Variants in PCDHGB4 observed in about 807,000 individuals in gnomAD.
PCDHGB4 encodes protocadherin gamma-B4.
In PCDHGB4, 38 loss-of-function variants were observed where a neutral mutation model predicts 60.5. The observed-to-expected ratio is 0.63, with a 90% CI of 0.48 to 0.82. The LOEUF (loss-of-function observed/expected upper bound fraction) is 0.82. PCDHGB4 is among the 40% of genes least tolerant of loss of function. PCDHGB4 has a pLI of 0.00. For synonymous variants in PCDHGB4, 456 were observed against 509.7 expected, an observed-to-expected ratio of 0.89 and a Z score of 1.42; for missense variants, 1,109 against 1,209.6, an observed-to-expected ratio of 0.92 and a Z score of 1.23.
intron 1 of PCDHGB4, among the ~76,000 whole-genome samples, chr5:141,453,779 C>T (rs138335951): frequency 0.013 from 2,000 of 152,278 alleles, 24 homozygotes; most frequent in Non-Finnish European, 0.021. Flanking sequence ...ATTTTAGTTA[C>T]CATGGTATAT....
intron 1 of PCDHGB4, chr5:141,428,255 G>A (rs2097128504): frequency 1.1e-6 from 1 of 875,462 alleles, no homozygotes; most frequent in Non-Finnish European, 1.8e-6. Context: ...CCAGACTTCA[G>A]TGACAGTCCT....
chr5:141,491,316 T>C lies in PCDHGB4; in HGVS notation c.2398-3491T>C. The C allele has an allele frequency of 3.1e-6, 5 of 1,614,176 alleles. No homozygotes were observed. The highest frequency in any genetic ancestry group is 3.4e-6 in the Non-Finnish European group (4 of 1,180,004). ...CTCCTGAGCGTTCAGACCTTACCCT[T>C]TACCTCATTGTGGCTCTAGCGACCG... is the stretch of plus-strand genomic sequence containing the variant. On this transcript the variant is annotated intron_variant, in intron 1 of 3. Coordinates refer to ENST00000519479, the MANE Select transcript of PCDHGB4 (RefSeq NM_003736.4). The surrounding 1 kb of genome is among the most constrained non-coding windows in gnomAD (Gnocchi z 6.9).
Position 141,485,631 on chromosome 5 carries a change from C to T in PCDHGB4, c.2398-9176C>T. 6.2e-7 allele frequency: 1 copy of T among 1,611,764 alleles called. No homozygotes were observed. The highest frequency in any genetic ancestry group is 8.5e-7 in the Non-Finnish European group (1 of 1,178,360). Reference sequence around the variant, plus strand: ...GCAGCTCCTCCAGGACAGCGTTTCCCGTTGGAAAAGGCTCAGGATGCAGAT... The same window carrying T: ...GCAGCTCCTCCAGGACAGCGTTTCCTGTTGGAAAAGGCTCAGGATGCAGAT... On this transcript the variant is annotated intron_variant, in intron 1 of 3. Coordinates refer to ENST00000519479, the MANE Select transcript of PCDHGB4 (RefSeq NM_003736.4). The surrounding 1 kb of genome is among the most constrained non-coding windows in gnomAD (Gnocchi z 5.7).
intron 1 of PCDHGB4, among the ~76,000 whole-genome samples, chr5:141,479,053 A>G (rs534968614): frequency 9.2e-5 from 14 of 152,334 alleles, no homozygotes; most frequent in African/African-American, 3.1e-4. Context: ...TCATTCTCAG[A>G]TAATTTTTTA....
intron 1 of PCDHGB4, among the ~76,000 whole-genome samples, chr5:141,445,132 G>T (rs921068835): frequency 2.6e-5 from 4 of 152,026 alleles, no homozygotes; most frequent in Non-Finnish European, 5.9e-5. Flanking sequence ...TTTTAAAATT[G>T]TATCTTCTAA....
intron 1 of PCDHGB4, chr5:141,424,160 C>A (rs187420643): frequency 6.3e-4 from 172 of 273,324 alleles, no homozygotes; most frequent in South Asian, 2.2e-3. Flanking sequence ...CTCTCCTTCT[C>A]ATCTATCTAT....
chr5:141,395,305 A>G, intron 1 of PCDHGB4: 1 of 1,514,986 alleles, frequency 6.6e-7, no homozygotes. Flanking sequence ...TATGTTTTGA[A>G]AAACATTGTG....
At chr5:141,423,826 A>G (rs1324911075) in intron 1 of PCDHGB4, 21 of 1,275,178 alleles carry the variant, frequency 1.6e-5, no homozygotes, top group Middle Eastern at 2.2e-4. Flanking sequence ...TTTGCCTTTC[A>G]TGAGATTACG....
At position 141,485,320 on chromosome 5, in the gene PCDHGB4, T is replaced by G; in HGVS notation, c.2398-9487T>G. The G allele has an allele frequency of 6.2e-7, 1 of 1,614,114 alleles. No individual in the cohort carries two copies. The highest frequency in any genetic ancestry group is 8.5e-7 in the Non-Finnish European group (1 of 1,180,018). ...AAGGGACTTTTGTAGGGAATGTCGC[T>G]CAAGATTTCCTGCTGGATACGGACA... is the stretch of plus-strand genomic sequence containing the variant. On this transcript the variant is annotated intron_variant, in intron 1 of 3. Transcript: ENST00000519479. The surrounding 1 kb of genome is among the most constrained non-coding windows in gnomAD (Gnocchi z 5.7).
chr5:141,491,560 T>C lies in PCDHGB4; in HGVS notation c.2398-3247T>C. 1 of 1,613,986 alleles carries C rather than the reference T, an allele frequency of 6.2e-7. No homozygotes were observed. Among genetic ancestry groups the C allele is most frequent in the Non-Finnish European group, 8.5e-7 (1 of 1,180,026 alleles). ...GCCCACAGACTCGCAGAGCCACTGCTACAGGACGTGCTTTTCACCGGCCTC... is the reference window on the plus strand; with the variant it reads ...GCCCACAGACTCGCAGAGCCACTGCCACAGGACGTGCTTTTCACCGGCCTC... On this transcript the variant is annotated intron_variant, in intron 1 of 3. Coordinates refer to ENST00000519479, the MANE Select transcript of PCDHGB4 (RefSeq NM_003736.4). This position sits in a 1 kb window ranked among gnomAD's most constrained non-coding sequence, Gnocchi z 6.9.
At chr5:141,471,444 A>G (rs1366430114) in intron 1 of PCDHGB4, 1 of 152,150 alleles carries the variant, frequency 6.6e-6, no homozygotes, top group Non-Finnish European at 1.5e-5. Context: ...AATCTCATGT[A>G]CCTTTTGAAA....
Position 141,431,051 on chromosome 5 carries a change from G to C in PCDHGB4, c.2397+40770G>C, listed in dbSNP as rs1280440001. On this transcript the variant is annotated intron_variant, in intron 1 of 3. Coordinates refer to ENST00000519479, the MANE Select transcript of PCDHGB4 (RefSeq NM_003736.4). This position sits in a 1 kb window ranked among gnomAD's most constrained non-coding sequence, Gnocchi z 4.8. ...GATAGACCGGGAGGAGCTCTGTATGGGGGCCATCAAGTGTCAATTAAATCT... is the reference window on the plus strand; with the variant it reads ...GATAGACCGGGAGGAGCTCTGTATGCGGGCCATCAAGTGTCAATTAAATCT... 3 of 1,614,218 alleles carry C rather than the reference G, an allele frequency of 1.9e-6. No homozygotes were observed. Among genetic ancestry groups the C allele is most frequent in the East Asian group, 2.2e-5 (1 of 44,886 alleles).
chr5:141,431,976 C>T lies in PCDHGB4; in HGVS notation c.2397+41695C>T, dbSNP rs2097433306. ...TACGGAAATTACTATAGTTTAGTCACAGACATAGTCTTGGATAGGGAACAG... is the reference window on the plus strand; with the variant it reads ...TACGGAAATTACTATAGTTTAGTCATAGACATAGTCTTGGATAGGGAACAG... On this transcript the variant is annotated intron_variant, in intron 1 of 3. Transcript: ENST00000519479. This position sits in a 1 kb window ranked among gnomAD's most constrained non-coding sequence, Gnocchi z 4.8. 6.2e-7 allele frequency: 1 copy of T among 1,614,078 alleles called. No individual in the cohort carries two copies. The highest frequency in any genetic ancestry group is 1.3e-5 in the African/African-American group (1 of 74,934).
rs753954982 is a variant in PCDHGB4 at position 141,478,158 on chromosome 5, C to A, written c.2398-16649C>A. 9 of 1,613,936 alleles carry A rather than the reference C, an allele frequency of 5.6e-6. No individual in the cohort carries two copies. In the African/African-American group the frequency reaches 1.2e-4, roughly 22 times the overall value. On this transcript the variant is annotated intron_variant, in intron 1 of 3. Transcript: ENST00000519479. ...GCCCGAGCCGAGTTCCCCTCTGGCT[C>A]TGCCCCCCGGGAGCAGAAAAAAAAT...
chr5:141,403,789 C>T (rs1230029917), intron 1 of PCDHGB4: 1 of 1,613,864 alleles, frequency 6.2e-7, no homozygotes, highest in East Asian at 2.2e-5. Flanking sequence ...AAGTGGCATA[C>T]AAATTCTGGA....
rs372326132 is a variant in PCDHGB4 at position 141,486,185 on chromosome 5, G to A, written c.2398-8622G>A. On this transcript the variant is annotated intron_variant, in intron 1 of 3. Coordinates refer to ENST00000519479, the MANE Select transcript of PCDHGB4 (RefSeq NM_003736.4). The surrounding 1 kb of genome is among the most constrained non-coding windows in gnomAD (Gnocchi z 5.0). ...CATGGAGCAACATTGCAGCCTTCGAGTGGATCTGCTGGACGTAAATGACAA... is the reference window on the plus strand; with the variant it reads ...CATGGAGCAACATTGCAGCCTTCGAATGGATCTGCTGGACGTAAATGACAA... 42 of 1,614,108 alleles carry A rather than the reference G, an allele frequency of 2.6e-5. No homozygotes were observed. The highest frequency in any genetic ancestry group is 3.4e-5 in the Non-Finnish European group (40 of 1,180,048).
In PCDHGB4 at chr5:141,390,064, C is replaced by T; in HGVS notation, c.2180C>T (p.Pro727Leu). ...CCCGCCTCCTGGAGCTGCTTCCAGCCTGGTCTCTGTGTTAAATCCGAATCC... is the reference window on the plus strand; with the variant it reads ...CCCGCCTCCTGGAGCTGCTTCCAGCTTGGTCTCTGTGTTAAATCCGAATCC... The part of the protein sequence containing the change: ...SSPASWSCFQ[P>L]GLCVKSESVV... The change falls in exon 1 of 4, where the codon CCT becomes CTT. Residue 727 changes from proline to leucine, a missense_variant. Physicochemically the swap from Pro to Leu is moderately conservative, Grantham distance 98. This residue lies in a region of PCDHGB4 where 1,068 missense variants were observed against 1,089.9 expected (regional missense o/e 0.98). Transcript: ENST00000519479. 1 of 1,614,060 alleles carries T rather than the reference C, an allele frequency of 6.2e-7. No individual in the cohort carries two copies.
intron 1 of PCDHGB4, 41 bp from the exon 2 acceptor site, chr5:141,494,766 C>T (rs1017994327): frequency 6.2e-7 from 1 of 1,614,038 alleles, no homozygotes; most frequent in Non-Finnish European, 8.5e-7. Flanking sequence ...ATTCTAACTT[C>T]TCACGGGTAC....
At position 141,387,736 on chromosome 5, in the gene PCDHGB4, A is replaced by C; in HGVS notation, c.-149A>C. 3 of 1,307,572 alleles carry C rather than the reference A, an allele frequency of 2.3e-6. No individual in the cohort carries two copies. The highest frequency in any genetic ancestry group is 2.5e-5 in the East Asian group (1 of 39,560). The allele number at this position is 1,307,572 out of a possible 1,614,324, so 81.0% of individuals were successfully genotyped here. Reference sequence around the variant, plus strand: ...CTCAGACTCCCCAGCGCCAGCCTTTACACCGCTTCCTCCTCGGAAAAAGAA... The same window carrying C: ...CTCAGACTCCCCAGCGCCAGCCTTTCCACCGCTTCCTCCTCGGAAAAAGAA... On this transcript the variant is annotated 5_prime_UTR_variant, in exon 1 of 4. Coordinates refer to ENST00000519479, the MANE Select transcript of PCDHGB4 (RefSeq NM_003736.4).
Sources: gnomAD v4.1 joint callset for allele counts (sites outside exome capture counted in the v4.1 genomes callset) on GRCh38, gnomAD v4.1.1 for gene constraint, gnomAD v4.1.1 regional missense constraint, Gnocchi (gnomAD v3.1) non-coding constraint, MANE v1.5 for transcripts, NCBI Gene and HGNC (gene_info 2026-07-23, HGNC 2026-07-21) for gene names.